The following TUT1 variants were observed in gnomAD, a reference collection of about 807,000 sequenced individuals.
TUT1 encodes speckle targeted PIP5K1A-regulated poly(A) polymerase.
In TUT1, 26 loss-of-function variants were observed where a neutral mutation model predicts 48.8. The ratio of observed to expected loss-of-function variants is 0.53; its 90% CI spans 0.39 to 0.74. The LOEUF is 0.74. Ranked by LOEUF, TUT1 falls within the 30% of genes least tolerant of loss-of-function variation. The pLI is 0.00. For synonymous variants in TUT1, 470 were observed against 460.8 expected, an observed-to-expected ratio of 1.02 and a Z score of -0.26; for missense variants, 1,065 against 1,114.8, an observed-to-expected ratio of 0.96 and a Z score of 0.64.
chr11:62,579,846 AG>A (rs1217379382), intron 4 of TUT1, among the ~76,000 whole-genome samples: 1 of 151,824 alleles, frequency 6.6e-6, no homozygotes, highest in Non-Finnish European at 1.5e-5. Flanking sequence ...TTGTATTTTT[AG>A]TAGAGACAGC....
chr11:62,577,841 C>T (rs1025852156), intron 5 of TUT1, among the ~76,000 whole-genome samples: 3 of 151,816 alleles, frequency 2.0e-5, no homozygotes, highest in Non-Finnish European at 4.4e-5. Flanking sequence ...GCGGGCAGAT[C>T]ACCTGAGGTC....
Position 62,589,084 on chromosome 11 carries a change from CAGAG to C in TUT1, c.216_219del (p.Glu74ThrfsTer3). The stretch of plus-strand genomic sequence containing the variant: ...ACAGGTCCAAATGCTAGGAAGTACT[CAGAG>C]AGCTGAGCAGAATCCACATCCCTGG... On this transcript the variant is annotated frameshift_variant, in exon 2 of 9. Coordinates refer to ENST00000476907, the MANE Select transcript of TUT1 (RefSeq NM_022830.3). LOFTEE classifies it high-confidence loss of function. The C allele has an allele frequency of 6.2e-7, 1 of 1,614,178 alleles. No homozygotes were observed. The highest frequency in any genetic ancestry group is 8.5e-7 in the Non-Finnish European group (1 of 1,180,014).
Position 62,581,534 on chromosome 11 carries a change from G to T in TUT1, c.441C>A (p.His147Gln), listed in dbSNP as rs1941825081. Reference sequence around the variant, plus strand: ...CCTCAGCTAGCGCTTTGGCCAGCTGGTGACTGTCGGGGGCCGCTCCTTTGG... The same window carrying T: ...CCTCAGCTAGCGCTTTGGCCAGCTGTTGACTGTCGGGGGCCGCTCCTTTGG... ...KSPKGAAPDS[H>Q]QLAKALAEAA... The change falls in exon 3 of 9, where the codon CAC (histidine) becomes CAA (glutamine). Residue 147 changes from histidine to glutamine, a missense_variant. Transcript: ENST00000476907. 6.2e-7 allele frequency: 1 copy of T among 1,614,042 alleles called. No individual in the cohort carries two copies. Among genetic ancestry groups the T allele is most frequent in the South Asian group, 1.1e-5 (1 of 91,074 alleles).
chr11:62,576,409 CCT>C, intron 8 of TUT1, 165 bp from the exon 9 acceptor site: 1 of 911,822 alleles, frequency 1.1e-6, no homozygotes, highest in South Asian at 1.8e-5. Flanking sequence ...AGAGGTCAAA[CCT>C]CTCTCCCTGC....
Position 62,582,623 on chromosome 11 carries a change from T to C in TUT1, c.274-922A>G, listed in dbSNP as rs376653043. On this transcript the variant is annotated intron_variant, in intron 2 of 8. Transcript: ENST00000476907. ...TCAAAAAAAAGTAGAAAAACAATTC[T>C]TTCCCTCACTCCTATTCCAAACATT... 155 of 454,510 alleles carry C rather than the reference T, an allele frequency of 3.4e-4. 1 individual carries two copies. Among genetic ancestry groups the C allele is most frequent in the African/African-American group, 2.7e-3 (134 of 50,066 alleles). 28.2% of individuals were successfully genotyped at this position (454,510 alleles called of 1,614,324 possible).
chr11:62,588,758 G>C (rs577884824), intron 2 of TUT1, among the ~76,000 whole-genome samples: 2 of 152,134 alleles, frequency 1.3e-5, no homozygotes, highest in African/African-American at 4.8e-5. Context: ...ACAGTGGCAC[G>C]ATCTCAGCTT....
Position 62,575,453 on chromosome 11 carries a change from T to C in TUT1, c.2266A>G (p.Lys756Glu). Reference protein sequence around the residue: ...AQEWSQGEAGKGASLPSSASW... With the variant: ...AQEWSQGEAGEGASLPSSASW... ...GCTGAGGAGGGCAGGGATGCCCCCT[T>C]CCCTGCCTCACCCTGAGACCATTCT... Residue 756 changes from lysine (K) to glutamate (E), a missense_variant, in exon 9 of 9, where the codon AAG becomes GAG. Coordinates refer to ENST00000476907, the MANE Select transcript of TUT1 (RefSeq NM_022830.3). The C allele has an allele frequency of 6.2e-7, 1 of 1,611,360 alleles. No homozygotes were observed. Among genetic ancestry groups the C allele is most frequent in the Non-Finnish European group, 8.5e-7 (1 of 1,179,986 alleles).
At chr11:62,589,655 T>C (rs1267255511) in intron 1 of TUT1, among the ~76,000 whole-genome samples, 1 of 152,184 alleles carries the variant, frequency 6.6e-6, no homozygotes, top group African/African-American at 2.4e-5. Context: ...TAAAGAACAG[T>C]GTGATAGTAA....
chr11:62,576,754 G>T lies in TUT1; in HGVS notation c.1382-5C>A. The T allele has an allele frequency of 6.2e-7, 1 of 1,614,098 alleles. No homozygotes were observed. The highest frequency in any genetic ancestry group is 8.5e-7 in the Non-Finnish European group (1 of 1,179,944). ...CTTCCACCTGTTCCCCCTCTCCTGT[G>T]AAAGTAAATAAGGTGAGAGTCAGTC... On this transcript the variant is annotated splice_polypyrimidine_tract_variant and splice_region_variant and intron_variant, in intron 7 of 8. Transcript: ENST00000476907.
intron 1 of TUT1, among the ~76,000 whole-genome samples, chr11:62,590,637 A>G (rs1164175121): frequency 7.2e-6 from 1 of 138,346 alleles, no homozygotes; most frequent in Non-Finnish European, 1.6e-5. Flanking sequence ...ACTCTGTCTC[A>G]AAAAAAAAAA....
At chr11:62,581,989 T>C (rs1489524198) in intron 2 of TUT1, among the ~76,000 whole-genome samples, 1 of 144,618 alleles carries the variant, frequency 6.9e-6, no homozygotes, top group Non-Finnish European at 1.5e-5. Context: ...CTACAAACAA[T>C]TTTTTTTTTT....
rs752096315 is a variant in TUT1 at position 62,576,071 on chromosome 11, T to C, written c.1648A>G (p.Asn550Asp). ...CGGCTGGTCACATTGGCTGCGACATTGTGACTCAGGTCAAAAGGGTCCTGG... is the reference window on the plus strand; with the variant it reads ...CGGCTGGTCACATTGGCTGCGACATCGTGACTCAGGTCAAAAGGGTCCTGG... Reference protein sequence around the residue: ...NLQDPFDLSHNVAANVTSRVA... With the variant: ...NLQDPFDLSHDVAANVTSRVA... Residue 550 changes from asparagine (N) to aspartate (D), a missense_variant, in exon 9 of 9, where the codon AAT (asparagine) becomes GAT (aspartate). Transcript: ENST00000476907. The C allele has an allele frequency of 1.2e-6, 2 of 1,613,872 alleles. No homozygotes were observed. The highest frequency in any genetic ancestry group is 2.2e-5 in the East Asian group (1 of 44,878).
chr11:62,584,652 C>T (rs1941881031), intron 2 of TUT1, among the ~76,000 whole-genome samples: 1 of 151,926 alleles, frequency 6.6e-6, no homozygotes, highest in African/African-American at 2.4e-5. Flanking sequence ...CCATGTTGGC[C>T]AGGCTGGTCT....
At position 62,576,686 on chromosome 11, in the gene TUT1, A is replaced by G. The variant is rs772550987; in HGVS notation, c.1445T>C (p.Leu482Pro). 6.2e-7 allele frequency: 1 copy of G among 1,614,178 alleles called. No homozygotes were observed. The highest frequency in any genetic ancestry group is 8.5e-7 in the Non-Finnish European group (1 of 1,180,038). ...GGGCTCCACATTTATGCTGGGCTCC[A>G]GTCTTGAGGCATCCCTGGGGAAACT... ...DCSFPRDASR[L>P]EPSINVEPLS... Residue 482 changes from leucine to proline, a missense_variant, in exon 8 of 9, where the codon CTG (leucine) becomes CCG (proline). Physicochemically the swap from Leu to Pro is moderately conservative, Grantham distance 98 (BLOSUM62 -3). Coordinates refer to ENST00000476907, the MANE Select transcript of TUT1 (RefSeq NM_022830.3).
chr11:62,585,446 A>AT lies in TUT1; in HGVS notation c.273+3584dup, dbSNP rs1941895781. On this transcript the variant is annotated intron_variant, in intron 2 of 8. Coordinates refer to ENST00000476907, the MANE Select transcript of TUT1 (RefSeq NM_022830.3). ...TTTGTAACCAAAGCCCCAGATGGAA[A>AT]TTAAGAGTCTCTTTCACTGGGCCTG... Among the ~76,000 whole-genome samples the AT allele has an allele frequency of 2.6e-5, 4 of 152,216 alleles. No homozygotes were observed. In the South Asian group the frequency reaches 8.3e-4, roughly 31 times the overall value.
rs558437450 is a variant in TUT1, at chr11:62,576,745, C to A, written c.1386G>T (p.Glu462Asp). The change falls in exon 8 of 9, where the codon GAG becomes GAT. Residue 462 changes from glutamate to aspartate, a missense_variant. Glu to Asp is a conservative substitution (Grantham distance 45). Transcript: ENST00000476907. ...AGCCATCGACTTCCACCTGTTCCCCCTCTCCTGTGAAAGTAAATAAGGTGA... is the reference window on the plus strand; with the variant it reads ...AGCCATCGACTTCCACCTGTTCCCCATCTCCTGTGAAAGTAAATAAGGTGA... ...TVSQLTQKAG[E>D]GEQVEVDGWD... The A allele has an allele frequency of 1.9e-6, 3 of 1,614,164 alleles. No individual in the cohort carries two copies. The highest frequency in any genetic ancestry group is 1.3e-5 in the African/African-American group (1 of 75,038).
chr11:62,576,562 G>A, intron 8 of TUT1, 95 bp downstream of exon 8: 5 of 1,130,240 alleles, frequency 4.4e-6, no homozygotes, highest in Admixed American at 2.0e-5. Context: ...CAGGCTTTCT[G>A]TGAGAACCAT....
Position 62,581,601 on chromosome 11 carries a change from G to T in TUT1, c.374C>A (p.Pro125Gln), listed in dbSNP as rs200890357. 4.4e-6 allele frequency: 7 copies of T among 1,599,572 alleles called. No individual in the cohort carries two copies. The highest frequency in any genetic ancestry group is 1.7e-5 in the Admixed American group (1 of 57,906). ...GCTCTGGAACTCCTTCTGCTCCCGT[G>T]GGCGGACACGCAGGCGATGTCCTCC... ...SLGGHRLRVRPREQKEFQSPA... is the reference protein window; with the variant it reads ...SLGGHRLRVRQREQKEFQSPA... The change falls in exon 3 of 9, where the codon CCA (proline) becomes CAA (glutamine). Residue 125 changes from proline (P) to glutamine (Q), a missense_variant. Physicochemically the swap from Pro to Gln is moderately conservative, Grantham distance 76. Coordinates refer to ENST00000476907, the MANE Select transcript of TUT1 (RefSeq NM_022830.3).
chr11:62,576,884 A>T lies in TUT1; in HGVS notation c.1381+23T>A, dbSNP rs1386998916. On this transcript the variant is annotated intron_variant, in intron 7 of 8. Transcript: ENST00000476907. ...GAGAGAGGAAACTAACAAGATGGAG[A>T]GGGTGGAGGCTAGGCCGAGTACCTG... The T allele has an allele frequency of 4.4e-6, 7 of 1,608,820 alleles. No homozygotes were observed. The African/African-American group carries it at 9.4e-5, about 22-fold the overall frequency.
Sources: gnomAD v4.1 joint callset for allele counts (sites outside exome capture counted in the v4.1 genomes callset) on GRCh38, gnomAD v4.1.1 for gene constraint, MANE v1.5 for transcripts, NCBI Gene and HGNC (gene_info 2026-07-23, HGNC 2026-07-21) for gene names.